The following RPRD1B variants were observed in gnomAD, a reference collection of about 807,000 sequenced individuals.
RPRD1B encodes regulation of nuclear pre-mRNA domain-containing protein 1B.
A neutral mutation model predicts 41.5 loss-of-function variants in RPRD1B; 11 were observed. The observed-to-expected ratio is 0.27, with a 90% CI of 0.17 to 0.44. RPRD1B has a LOEUF of 0.44. Among genes scored for constraint, RPRD1B ranks in the 20% least tolerant of loss-of-function variants. RPRD1B has a pLI of 1.00. For synonymous variants in RPRD1B, 158 were observed against 155.6 expected, an observed-to-expected ratio of 1.02 and a Z score of -0.12; for missense variants, 248 against 389.9, an observed-to-expected ratio of 0.64 and a Z score of 3.06.
At chr20:38,071,146 T>C (rs2074409602) in intron 6 of RPRD1B, among the ~76,000 whole-genome samples, 1 of 152,238 alleles carries the variant, frequency 6.6e-6, no homozygotes, top group African/African-American at 2.4e-5. Context: ...AAAGATGATA[T>C]GCCACACAGG....
chr20:38,038,490 G>GTTTTGT (rs2074027578), intron 1 of RPRD1B, among the ~76,000 whole-genome samples: 4 of 76,788 alleles, frequency 5.2e-5, no homozygotes, highest in African/African-American at 1.9e-4. Context: ...TTTTTGTTTT[G>GTTTTGT]TTTTTTTTTT....
intron 5 of RPRD1B, 101 bp from the exon 6 acceptor site, chr20:38,065,978 CTG>C (rs2074350277): frequency 3.5e-6 from 4 of 1,136,110 alleles, no homozygotes; most frequent in African/African-American, 1.5e-5. Flanking sequence ...TTCTCAGACT[CTG>C]TATATTGGGA....
chr20:38,065,287 G>C (rs1262704172), intron 5 of RPRD1B, among the ~76,000 whole-genome samples: 1 of 151,996 alleles, frequency 6.6e-6, no homozygotes, highest in East Asian at 1.9e-4. Context: ...CTGTCATGTA[G>C]TTTTTTTTCT....
At chr20:38,077,133 G>T (rs931005573) in intron 6 of RPRD1B, among the ~76,000 whole-genome samples, 20 of 151,556 alleles carry the variant, frequency 1.3e-4, no homozygotes, top group Non-Finnish European at 2.9e-5. Context: ...GACCAGGCGA[G>T]TCTTGAACTC....
At chr20:38,036,813 G>A (rs1013389193) in intron 1 of RPRD1B, among the ~76,000 whole-genome samples, 10 of 152,186 alleles carry the variant, frequency 6.6e-5, no homozygotes. Flanking sequence ...GTGTGACTAA[G>A]GAACTAAAGT....
chr20:38,043,243 G>A (rs991179326), intron 2 of RPRD1B, among the ~76,000 whole-genome samples: 2 of 152,200 alleles, frequency 1.3e-5, no homozygotes, highest in Non-Finnish European at 2.9e-5. Context: ...TGCGAAGCGG[G>A]AGCAGCTATT....
At chr20:38,080,814 C>T (rs768500345) in intron 6 of RPRD1B, among the ~76,000 whole-genome samples, 4 of 152,312 alleles carry the variant, frequency 2.6e-5, no homozygotes, top group African/African-American at 7.2e-5. Flanking sequence ...CATGAGCCAC[C>T]GTGCCCAGCC....
At chr20:38,056,648 T>A (rs1346673585) in intron 3 of RPRD1B, among the ~76,000 whole-genome samples, 1 of 152,236 alleles carries the variant, frequency 6.6e-6, no homozygotes. Context: ...TTTGGAGTCA[T>A]ACCGTAAGTG....
chr20:38,060,558 C>T (rs34483350), intron 5 of RPRD1B, among the ~76,000 whole-genome samples: 3,461 of 152,160 alleles, frequency 0.023, 68 homozygotes, highest in Non-Finnish European at 0.032. Context: ...ATGAGATGAC[C>T]TTGAGCAGAG....
chr20:38,089,509 C>A (rs1189010165), intron 6 of RPRD1B, among the ~76,000 whole-genome samples: 1 of 152,144 alleles, frequency 6.6e-6, no homozygotes, highest in African/African-American at 2.4e-5. Flanking sequence ...CCATTTAATT[C>A]ACTGTTGCCA....
rs567781191 is a variant in RPRD1B, at chr20:38,074,496, G to GTT, written c.831+8243_831+8244dup. On this transcript the variant is annotated intron_variant, in intron 6 of 6. Transcript: ENST00000373433. ...GACTTTACATTGAAAAAGTGACACG[G>GTT]TTTTAAGGCTTTCCCAGCAAGAATT... Among the ~76,000 whole-genome samples the GTT allele has an allele frequency of 1.1e-3, 168 of 152,326 alleles. 1 individual carries two copies. Among genetic ancestry groups the GTT allele is most frequent in the Non-Finnish European group, 1.5e-3 (101 of 68,026 alleles).
chr20:38,089,330 T>C (rs2074591626), intron 6 of RPRD1B, among the ~76,000 whole-genome samples: 1 of 152,156 alleles, frequency 6.6e-6, no homozygotes, highest in African/African-American at 2.4e-5. Flanking sequence ...ATAACTTCAG[T>C]GTTTTTTTTC....
intron 3 of RPRD1B, among the ~76,000 whole-genome samples, chr20:38,049,979 T>G (rs898390799): frequency 2.0e-5 from 3 of 152,246 alleles, no homozygotes; most frequent in Non-Finnish European, 2.9e-5. Flanking sequence ...TGCTGTTACC[T>G]CTACTTGATG....
In RPRD1B at chr20:38,090,784, C is replaced by G. The variant is rs2074605623; in HGVS notation, c.*909C>G. The G allele has an allele frequency of 2.0e-6, 2 of 985,310 alleles. No individual in the cohort carries two copies. The highest frequency in any genetic ancestry group is 1.2e-4 in the Admixed American group (2 of 16,266). The allele number at this position is 985,310 out of a possible 1,614,324, so 61.0% of individuals were successfully genotyped here. A position where few individuals can be genotyped will look rare whatever the true frequency, so the allele number is the denominator to read the frequency against. On this transcript the variant is annotated 3_prime_UTR_variant, in exon 7 of 7. Transcript: ENST00000373433. Reference sequence around the variant, plus strand: ...GTGGGTGTTTCTTGGACCCTTTCTTCTGGGAGTAGGGTACACACTAACGTT... The same window carrying G: ...GTGGGTGTTTCTTGGACCCTTTCTTGTGGGAGTAGGGTACACACTAACGTT...
At chr20:38,034,449 A>C (rs1392713010) in intron 1 of RPRD1B, among the ~76,000 whole-genome samples, 2 of 152,112 alleles carry the variant, frequency 1.3e-5, no homozygotes, top group African/African-American at 4.8e-5. Context: ...ATTTGGAGTA[A>C]AAGCCAGTGG....
intron 6 of RPRD1B, among the ~76,000 whole-genome samples, chr20:38,081,302 A>T (rs953129554): frequency 1.3e-5 from 2 of 151,222 alleles, no homozygotes; most frequent in Non-Finnish European, 2.9e-5. Flanking sequence ...GCTGTATTTT[A>T]TTCTTTTTGT....
chr20:38,077,380 C>G (rs2074473468), intron 6 of RPRD1B, among the ~76,000 whole-genome samples: 1 of 152,100 alleles, frequency 6.6e-6, no homozygotes, highest in Non-Finnish European at 1.5e-5. Context: ...GACAGACTGT[C>G]TCCTTCCTTC....
intron 4 of RPRD1B, among the ~76,000 whole-genome samples, chr20:38,059,005 C>T (rs1426998380): frequency 6.6e-6 from 1 of 152,186 alleles, no homozygotes; most frequent in African/African-American, 2.4e-5. Context: ...CGAGCCACCA[C>T]ACCTGGCCAC....
chr20:38,038,919 A>G (rs888786150), intron 1 of RPRD1B, among the ~76,000 whole-genome samples: 5 of 152,268 alleles, frequency 3.3e-5, no homozygotes, highest in African/African-American at 1.2e-4. Context: ...AGGTGTGTTA[A>G]GGTTGATAAA....
Sources: allele counts gnomAD v4.1 joint callset (sites outside exome capture counted in the v4.1 genomes callset), GRCh38; gene constraint gnomAD v4.1.1; transcripts MANE v1.5; gene names NCBI Gene and HGNC (gene_info 2026-07-23, HGNC 2026-07-21).